UBXN2B: variants seen among roughly 807,000 people sequenced by gnomAD.
The protein encoded by UBXN2B is UBX domain protein 2B.
In UBXN2B, 19 loss-of-function variants were observed where a neutral mutation model predicts 37.5. The ratio of observed to expected loss-of-function variants is 0.51; its 90% CI spans 0.35 to 0.74. UBXN2B has a LOEUF of 0.74. Among genes scored for constraint, UBXN2B ranks in the 30% least tolerant of loss-of-function variants. The pLI, the probability that UBXN2B is intolerant of heterozygous loss-of-function variation, is 0.01. For synonymous variants in UBXN2B, 145 were observed against 143.8 expected (o/e 1.01, Z -0.06); for missense variants, 370 against 393.2 (o/e 0.94, Z 0.50).
rs1808795879 is a variant in UBXN2B at position 58,451,341 on chromosome 8, T to C, written c.*3790T>C. The C allele has an allele frequency of 6.6e-6, 1 of 152,206 alleles. No homozygotes were observed. The highest frequency in any genetic ancestry group is 6.5e-5 in the Admixed American group (1 of 15,284). The allele number at this position is 152,206 out of a possible 1,614,324, so 9.4% of individuals were successfully genotyped here. A position where few individuals can be genotyped will look rare whatever the true frequency, so the allele number is the denominator to read the frequency against. Reference sequence around the variant, plus strand: ...CTTCATTGAGAGTCATTTTCATGAATTATTTTTACTACTGCAGTCATCTTA... The same window carrying C: ...CTTCATTGAGAGTCATTTTCATGAACTATTTTTACTACTGCAGTCATCTTA... On this transcript the variant is annotated 3_prime_UTR_variant, in exon 8 of 8. Coordinates refer to ENST00000399598, the MANE Select transcript of UBXN2B (RefSeq NM_001077619.2).
At chr8:58,434,822 C>T in intron 5 of UBXN2B, 1 of 1,534,750 alleles carries the variant, frequency 6.5e-7, no homozygotes, top group Non-Finnish European at 8.7e-7. Context: ...TGTAGCTGCC[C>T]ACCCACTAAG....
At chr8:58,414,131 C>G (rs1461945880) in intron 1 of UBXN2B, among the ~76,000 whole-genome samples, 2 of 152,196 alleles carry the variant, frequency 1.3e-5, no homozygotes, top group African/African-American at 4.8e-5. Context: ...ATTAAAATGT[C>G]TGATAGCTGT....
intron 2 of UBXN2B, among the ~76,000 whole-genome samples, chr8:58,423,250 G>A (rs1396772449): frequency 2.0e-5 from 3 of 152,088 alleles, no homozygotes; most frequent in African/African-American, 7.2e-5. Flanking sequence ...CTGCCAGCCA[G>A]GCCACTGAAA....
chr8:58,433,345 T>C (rs1808331081), intron 4 of UBXN2B, 102 bp downstream of exon 4: 7 of 1,004,130 alleles, frequency 7.0e-6, no homozygotes, highest in South Asian at 5.3e-5. Context: ...ATATTTTTGT[T>C]ACTTTTTAAA....
rs751930484 is a variant in UBXN2B at position 58,439,616 on chromosome 8, T to TC, written c.534-11dup. ...TTGGAAAACTTAATGATAACTTTTT[T>TC]CCCCCCTTTTTAAAAGAGAGATTCC... On this transcript the variant is annotated splice_polypyrimidine_tract_variant and intron_variant, in intron 5 of 7. Transcript: ENST00000399598. 6 of 1,587,886 alleles carry TC rather than the reference T, an allele frequency of 3.8e-6. No individual in the cohort carries two copies. The highest frequency in any genetic ancestry group is 4.3e-6 in the Non-Finnish European group (5 of 1,173,326).
chr8:58,424,960 A>T (rs1366535986), intron 2 of UBXN2B: 1 of 804,174 alleles, frequency 1.2e-6, no homozygotes, highest in Non-Finnish European at 2.3e-6. Context: ...AATATCAATC[A>T]CAACGTATGT....
chr8:58,427,296 C>A (rs1325574766), intron 2 of UBXN2B, among the ~76,000 whole-genome samples: 1 of 152,096 alleles, frequency 6.6e-6, no homozygotes, highest in Admixed American at 6.6e-5. Flanking sequence ...AGGGCTTAAA[C>A]CCCATCTCTA....
intron 6 of UBXN2B, among the ~76,000 whole-genome samples, chr8:58,441,621 G>A (rs1468958353): frequency 1.3e-5 from 2 of 151,980 alleles, no homozygotes; most frequent in African/African-American, 4.8e-5. Context: ...AATTGAAGAA[G>A]GTAGCATAAA....
At chr8:58,413,938 C>T (rs186721342) in intron 1 of UBXN2B, among the ~76,000 whole-genome samples, 3,194 of 152,156 alleles carry the variant, frequency 0.021, 68 homozygotes, top group East Asian at 0.11. Context: ...TCCCTCAGCC[C>T]GCCACACACA....
At chr8:58,431,394 C>G (rs919865911) in intron 3 of UBXN2B, among the ~76,000 whole-genome samples, 1 of 152,186 alleles carries the variant, frequency 6.6e-6, no homozygotes, top group African/African-American at 2.4e-5. Context: ...AGAGTTATTG[C>G]TTGTATCACA....
At position 58,414,356 on chromosome 8, in the gene UBXN2B, C is replaced by A. The variant is rs542578677; in HGVS notation, c.85-2494C>A. Among the ~76,000 whole-genome samples, 8 of 152,276 alleles carry A rather than the reference C, an allele frequency of 5.3e-5. No individual in the cohort carries two copies. In the South Asian group the frequency reaches 1.5e-3, roughly 28 times the overall value. ...GTATAATAATCATTTATTACAGCGT[C>A]TAGAATTGGTTACTCTAAGGCTGAG... On this transcript the variant is annotated intron_variant, in intron 1 of 7. Coordinates refer to ENST00000399598, the MANE Select transcript of UBXN2B (RefSeq NM_001077619.2).
At chr8:58,438,418 G>A (rs1191225417) in intron 5 of UBXN2B, among the ~76,000 whole-genome samples, 1 of 152,162 alleles carries the variant, frequency 6.6e-6, no homozygotes, top group Non-Finnish European at 1.5e-5. Flanking sequence ...CATGAGAGAA[G>A]CCACAGGGCC....
In UBXN2B at chr8:58,416,953, G is replaced by A. The variant is rs763615732; in HGVS notation, c.188G>A (p.Arg63Gln). ...AAGAGCCCACGGACACCACCTCAAC[G>A]GTAAGTTTTATTTTGTTTTGTTGTA... is the stretch of plus-strand genomic sequence containing the variant. Reference protein sequence around the residue: ...VFKSPRTPPQRFYSSEHEYSG... With the variant: ...VFKSPRTPPQQFYSSEHEYSG... The change falls in exon 2 of 8, where the codon CGG (arginine) becomes CAG (glutamine). Residue 63 changes from arginine (R) to glutamine (Q), a missense_variant and splice_region_variant. Physicochemically the swap from Arg to Gln is conservative, Grantham distance 43. This residue lies in a region of UBXN2B where 197 missense variants were observed against 170.2 expected (regional missense o/e 1.16). Coordinates refer to ENST00000399598, the MANE Select transcript of UBXN2B (RefSeq NM_001077619.2). The A allele has an allele frequency of 1.6e-5, 26 of 1,585,622 alleles. No individual in the cohort carries two copies. The highest frequency in any genetic ancestry group is 2.1e-5 in the Non-Finnish European group (24 of 1,164,368).
chr8:58,424,477 C>G (rs1424723392), intron 2 of UBXN2B: 3 of 599,336 alleles, frequency 5.0e-6, no homozygotes, highest in African/African-American at 1.9e-5. Context: ...CAATGCAAGC[C>G]TTCCAAATCC....
intron 1 of UBXN2B, among the ~76,000 whole-genome samples, chr8:58,412,402 G>C (rs1807661627): frequency 6.6e-6 from 1 of 152,210 alleles, no homozygotes; most frequent in African/African-American, 2.4e-5. Flanking sequence ...CCTTTTGGAA[G>C]CCTACAGATT....
At chr8:58,443,645 A>C (rs1248685146) in intron 6 of UBXN2B, among the ~76,000 whole-genome samples, 9 of 151,278 alleles carry the variant, frequency 5.9e-5, no homozygotes, top group Admixed American at 1.3e-4. Context: ...ATCCAAAAAA[A>C]AAAAAAAAAA....
At chr8:58,424,522 T>G in intron 2 of UBXN2B, 7 of 747,140 alleles carry the variant, frequency 9.4e-6, no homozygotes, top group South Asian at 1.6e-5. Context: ...CTTGCGAAAG[T>G]TTGATCTTTT....
chr8:58,448,194 A>G lies in UBXN2B; in HGVS notation c.*643A>G, dbSNP rs1158416236. On this transcript the variant is annotated 3_prime_UTR_variant, in exon 8 of 8. Transcript: ENST00000399598. ...AATTCTTTTTTTTTTTTTTTTTGAT[A>G]TGGAGTTTTGCTCTTGTTGCCCAGG... The G allele has an allele frequency of 7.5e-6, 1 of 133,520 alleles. No individual in the cohort carries two copies. The highest frequency in any genetic ancestry group is 2.9e-5 in the African/African-American group (1 of 34,302). 8.3% of individuals were successfully genotyped at this position (133,520 alleles called of 1,614,324 possible).
intron 3 of UBXN2B, among the ~76,000 whole-genome samples, chr8:58,432,249 T>C (rs1808297716): frequency 6.6e-6 from 1 of 152,168 alleles, no homozygotes; most frequent in African/African-American, 2.4e-5. Flanking sequence ...ATTTGAATTT[T>C]TTATATAAGG....
Sources: allele counts gnomAD v4.1 joint callset (sites outside exome capture counted in the v4.1 genomes callset), GRCh38; gene constraint gnomAD v4.1.1; regional missense constraint gnomAD v4.1.1; transcripts MANE v1.5; gene names NCBI Gene and HGNC (gene_info 2026-07-23, HGNC 2026-07-21).